Variants in BNC2 observed in about 807,000 individuals in gnomAD.
BNC2 encodes the protein zinc finger protein basonuclin-2.
Under a neutral mutation model 76.3 loss-of-function variants are expected in BNC2, and 20 were observed. The ratio of observed to expected loss-of-function variants is 0.26; its 90% CI spans 0.18 to 0.38. The LOEUF is 0.38. Ranked by LOEUF, BNC2 falls within the 10% of genes least tolerant of loss-of-function variation. The probability of loss-of-function intolerance (pLI) is 1.00; values close to 1 mark genes in which losing one functional copy is unlikely to be tolerated. For synonymous variants in BNC2, 582 were observed against 514.8 expected (o/e 1.13, Z -1.77); for missense variants, 1,382 against 1,399.8 (o/e 0.99, Z 0.20).
At chr9:16,727,641 C>T (rs1824379290) in intron 3 of BNC2, 156 bp downstream of exon 3, 2 of 665,916 alleles carry the variant, frequency 3.0e-6, no homozygotes, top group South Asian at 3.9e-5. Context: ...CCTGCACATT[C>T]CAGTAACACA....
In BNC2 at chr9:16,724,193, C is replaced by A. The variant is rs879099297; in HGVS notation, c.330+3604G>T. On this transcript the variant is annotated intron_variant, in intron 3 of 6. Transcript: ENST00000380672. ...TTAAATGTGGGCTATAGCTATATAC[C>A]TTTATGGTTTCCTTTCTAAAAAGAT... Among the ~76,000 whole-genome samples the A allele has an allele frequency of 6.6e-5, 10 of 151,902 alleles. No individual in the cohort carries two copies. In the East Asian group the frequency reaches 1.9e-3, roughly 29 times the overall value.
At chr9:16,584,493 G>A (rs1454215844) in intron 3 of BNC2, among the ~76,000 whole-genome samples, 1 of 152,094 alleles carries the variant, frequency 6.6e-6, no homozygotes, top group Non-Finnish European at 1.5e-5. Flanking sequence ...AGATGTTGGA[G>A]TCCTCACTGT....
intron 3 of BNC2, among the ~76,000 whole-genome samples, chr9:16,615,025 T>A (rs2133484981): frequency 7.0e-6 from 1 of 143,720 alleles, no homozygotes; most frequent in Non-Finnish European, 1.5e-5. Context: ...CCAGTTACCT[T>A]TCCACATACA....
chr9:16,503,595 A>G (rs971659925), intron 5 of BNC2, among the ~76,000 whole-genome samples: 1 of 152,184 alleles, frequency 6.6e-6, no homozygotes, highest in Admixed American at 6.5e-5. Flanking sequence ...AAATTCAAGA[A>G]ATAGGAAAAT....
rs1818824031 is a variant in BNC2, at chr9:16,841,481, G to C, written c.3+29165C>G. 2.6e-5 allele frequency among the ~76,000 whole-genome samples: 4 copies of C among 152,186 alleles called. No individual in the cohort carries two copies. In the South Asian group the frequency reaches 6.2e-4, roughly 24 times the overall value. ...GTAACTAATTATTCCTCAAAATGTAGATATCCTGGCTAAACTGTATGTCCA... is the reference window on the plus strand; with the variant it reads ...GTAACTAATTATTCCTCAAAATGTACATATCCTGGCTAAACTGTATGTCCA... On this transcript the variant is annotated intron_variant, in intron 1 of 6. Transcript: ENST00000380672.
chr9:16,612,089 A>G (rs1466805356), intron 3 of BNC2, among the ~76,000 whole-genome samples: 2 of 152,004 alleles, frequency 1.3e-5, no homozygotes, highest in African/African-American at 2.4e-5. Context: ...AGCAAAAAAA[A>G]AAAACCTCTA....
intron 3 of BNC2, among the ~76,000 whole-genome samples, chr9:16,600,319 T>C (rs767671292): frequency 2.6e-5 from 4 of 152,258 alleles, no homozygotes; most frequent in Non-Finnish European, 5.9e-5. Flanking sequence ...CATGCTTTAA[T>C]ACTTTGATCA....
intron 3 of BNC2, among the ~76,000 whole-genome samples, chr9:16,639,904 AGAGT>A (rs1419085357): frequency 1.3e-5 from 2 of 152,146 alleles, no homozygotes; most frequent in Admixed American, 1.3e-4. Context: ...CCTGGGCAAC[AGAGT>A]GAGACCCTGT....
At chr9:16,853,600 C>T (rs1819181575) in intron 1 of BNC2, among the ~76,000 whole-genome samples, 1 of 152,150 alleles carries the variant, frequency 6.6e-6, no homozygotes, top group Admixed American at 6.5e-5. Flanking sequence ...GGCGCTGTGG[C>T]TCGCGCCTGC....
At chr9:16,465,084 A>T (rs1821675194) in intron 5 of BNC2, among the ~76,000 whole-genome samples, 1 of 152,186 alleles carries the variant, frequency 6.6e-6, no homozygotes, top group Admixed American at 6.5e-5. Context: ...GCCCATGATC[A>T]GTTACAAAAT....
chr9:16,544,386 C>T (rs1187918513), intron 5 of BNC2, among the ~76,000 whole-genome samples: 1 of 152,056 alleles, frequency 6.6e-6, no homozygotes. Context: ...CGATAAGGTG[C>T]AATCCTAGAT....
At chr9:16,672,332 C>T (rs1315955679) in intron 3 of BNC2, among the ~76,000 whole-genome samples, 1 of 152,078 alleles carries the variant, frequency 6.6e-6, no homozygotes, top group Non-Finnish European at 1.5e-5. Flanking sequence ...CCCGTCTCTA[C>T]TAAAAATACA....
At chr9:16,643,305 CAAAA>C (rs34196473) in intron 3 of BNC2, among the ~76,000 whole-genome samples, 4 of 121,576 alleles carry the variant, frequency 3.3e-5, no homozygotes, top group African/African-American at 8.9e-5. Context: ...GACTCTGTCT[CAAAA>C]AAAAAAAAAA....
chr9:16,659,954 T>C (rs1322004412), intron 3 of BNC2, among the ~76,000 whole-genome samples: 2 of 152,196 alleles, frequency 1.3e-5, no homozygotes, highest in Non-Finnish European at 1.5e-5. Context: ...AGCAACCAAA[T>C]AGATGCCTGA....
chr9:16,673,801 C>A (rs1234355518), intron 3 of BNC2, among the ~76,000 whole-genome samples: 3 of 152,168 alleles, frequency 2.0e-5, no homozygotes, highest in Non-Finnish European at 4.4e-5. Context: ...GTAGGGACAG[C>A]CATTTTTTTA....
At chr9:16,511,869 G>A (rs1432496715) in intron 5 of BNC2, among the ~76,000 whole-genome samples, 1 of 152,080 alleles carries the variant, frequency 6.6e-6, no homozygotes, top group East Asian at 1.9e-4. Context: ...CACACTAAAG[G>A]ATTTGTGTAC....
intron 1 of BNC2, among the ~76,000 whole-genome samples, chr9:16,766,675 T>A (rs1825704355): frequency 6.6e-6 from 1 of 152,226 alleles, no homozygotes; most frequent in South Asian, 2.1e-4. Context: ...CCACAAAAAT[T>A]AGTTCATTTC....
chr9:16,482,767 T>C (rs1289226461), intron 5 of BNC2, among the ~76,000 whole-genome samples: 1 of 152,196 alleles, frequency 6.6e-6, no homozygotes, highest in African/African-American at 2.4e-5. Flanking sequence ...AACCTCTGTA[T>C]CATCACAAAC....
rs545982652 is a variant in BNC2, at chr9:16,588,096, G to A, written c.331-5011C>T. Among the ~76,000 whole-genome samples, 3 of 152,264 alleles carry A rather than the reference G, an allele frequency of 2.0e-5. No individual in the cohort carries two copies. The East Asian group carries it at 5.8e-4, about 29-fold the overall frequency. On this transcript the variant is annotated intron_variant, in intron 3 of 6. Transcript: ENST00000380672. ...ACTTTAAAAATACATGATTCTCTGAGCCCGCTTCCTCATCTGTAAAATGAT... is the reference window on the plus strand; with the variant it reads ...ACTTTAAAAATACATGATTCTCTGAACCCGCTTCCTCATCTGTAAAATGAT...
Sources: allele counts gnomAD v4.1 joint callset (sites outside exome capture counted in the v4.1 genomes callset), GRCh38; gene constraint gnomAD v4.1.1; transcripts MANE v1.5; gene names NCBI Gene and HGNC (gene_info 2026-07-23, HGNC 2026-07-21).